Variants in EBF2 observed in about 807,000 individuals in gnomAD.
EBF2 encodes transcription factor COE2.
Under a neutral mutation model 72.8 loss-of-function variants are expected in EBF2, and 21 were observed. That is an observed-to-expected ratio of 0.29 (90% CI 0.20 to 0.42). The LOEUF (loss-of-function observed/expected upper bound fraction) is 0.42, where lower values mean the gene tolerates loss of function less well. EBF2 is among the 10% of genes least tolerant of loss of function. EBF2 has a pLI of 1.00. For missense variants in EBF2, 637 were observed against 731.2 expected (o/e 0.87, Z 1.49); for synonymous variants, 299 against 274.2 (o/e 1.09, Z -0.89).
intron 6 of EBF2, among the ~76,000 whole-genome samples, chr8:25,965,460 G>A (rs907910963): frequency 1.1e-4 from 16 of 152,170 alleles, no homozygotes; most frequent in Non-Finnish European, 2.1e-4. Flanking sequence ...AAATGCTAAC[G>A]ACTTTGGAGA....
rs1336280766 is a variant in EBF2, at chr8:25,843,829, A to T, written c.*780T>A. 6.6e-6 allele frequency: 1 copy of T among 152,124 alleles called. No individual in the cohort carries two copies. Among genetic ancestry groups the T allele is most frequent in the Non-Finnish European group, 1.5e-5 (1 of 68,046 alleles). 9.4% of individuals were successfully genotyped at this position (152,124 alleles called of 1,614,324 possible). On this transcript the variant is annotated 3_prime_UTR_variant, in exon 16 of 16. Coordinates refer to ENST00000520164, the MANE Select transcript of EBF2 (RefSeq NM_022659.4). ...CCCTTGGGTCAATAAAGTGATGGAA[A>T]AGGAGGGGGTGCAGGACAGGGGATA... is the stretch of plus-strand genomic sequence containing the variant.
At chr8:25,954,078 G>A (rs148172255) in intron 6 of EBF2, among the ~76,000 whole-genome samples, 43 of 152,322 alleles carry the variant, frequency 2.8e-4, no homozygotes, top group African/African-American at 9.6e-4. Context: ...GAAAAAAAGT[G>A]AGTAGAATAA....
At chr8:25,901,986 G>A (rs1258372771) in intron 7 of EBF2, among the ~76,000 whole-genome samples, 2 of 152,168 alleles carry the variant, frequency 1.3e-5, no homozygotes, top group African/African-American at 2.4e-5. Context: ...CTAGGATAGT[G>A]CCTGGCACAC....
At chr8:25,923,054 C>A (rs1007399234) in intron 6 of EBF2, among the ~76,000 whole-genome samples, 3 of 152,254 alleles carry the variant, frequency 2.0e-5, no homozygotes, top group African/African-American at 7.2e-5. Context: ...GTTCTGCTTT[C>A]TCAGGGAGTT....
chr8:26,033,079 C>A lies in EBF2; in HGVS notation c.551+6G>T, dbSNP rs2117257785. On this transcript the variant is annotated splice_donor_region_variant and intron_variant, in intron 6 of 15. Transcript: ENST00000520164. ...AAATGATTGAAAAATCACTTTTTCCCCCTACCTGTCAATTATGACTGGGTC... is the reference window on the plus strand; with the variant it reads ...AAATGATTGAAAAATCACTTTTTCCACCTACCTGTCAATTATGACTGGGTC... 6.2e-7 allele frequency: 1 copy of A among 1,613,786 alleles called. No homozygotes were observed. Among genetic ancestry groups the A allele is most frequent in the Non-Finnish European group, 8.5e-7 (1 of 1,179,752 alleles).
Position 25,927,200 on chromosome 8 carries a change from T to C in EBF2, c.552-18645A>G, listed in dbSNP as rs562717309. Among the ~76,000 whole-genome samples the C allele has an allele frequency of 3.9e-5, 6 of 152,196 alleles. No homozygotes were observed. The South Asian group carries it at 1.0e-3, about 26-fold the overall frequency. On this transcript the variant is annotated intron_variant, in intron 6 of 15. Transcript: ENST00000520164. ...AAAATTCTGCCTCAAAACTGGAGCA[T>C]TGACTTCTGCCAGGGTTTCCAGCCT...
chr8:26,020,866 T>C (rs1805193541), intron 6 of EBF2, among the ~76,000 whole-genome samples: 1 of 152,148 alleles, frequency 6.6e-6, no homozygotes, highest in Non-Finnish European at 1.5e-5. Context: ...CACTCTACAT[T>C]TGCTTGGGTA....
chr8:25,892,760 T>G (rs1312987975), intron 7 of EBF2, among the ~76,000 whole-genome samples: 5 of 152,182 alleles, frequency 3.3e-5, no homozygotes, highest in African/African-American at 1.2e-4. Context: ...AACAGATAAT[T>G]CACTGTGTTT....
At chr8:25,927,999 T>TA (rs1264495206) in intron 6 of EBF2, among the ~76,000 whole-genome samples, 2 of 152,094 alleles carry the variant, frequency 1.3e-5, no homozygotes, top group African/African-American at 2.4e-5. Context: ...ATATATATTA[T>TA]AAAAAAGTCC....
intron 6 of EBF2, among the ~76,000 whole-genome samples, chr8:25,941,728 G>A (rs1585202958): frequency 6.6e-6 from 1 of 152,270 alleles, no homozygotes; most frequent in Middle Eastern, 3.4e-3. Flanking sequence ...ACTGGCTGCT[G>A]TCAGAGAGCC....
intron 14 of EBF2, among the ~76,000 whole-genome samples, chr8:25,857,016 TTCCC>T (rs1802108070): frequency 3.3e-5 from 5 of 152,204 alleles, no homozygotes; most frequent in Non-Finnish European, 7.4e-5. Context: ...ACTGCAATAA[TTCCC>T]CCAAACACTT....
At chr8:25,914,121 C>G (rs920370043) in intron 6 of EBF2, among the ~76,000 whole-genome samples, 1 of 152,148 alleles carries the variant, frequency 6.6e-6, no homozygotes, top group East Asian at 1.9e-4. Flanking sequence ...GACTGAGAAG[C>G]CTACTGGGTG....
chr8:25,963,328 A>C lies in EBF2; in HGVS notation c.552-54773T>G, dbSNP rs117835164. Among the ~76,000 whole-genome samples the C allele has an allele frequency of 3.6e-3, 543 of 152,298 alleles. 2 individuals carry two copies. The highest frequency in any genetic ancestry group is 6.0e-3 in the Non-Finnish European group (410 of 68,016). On this transcript the variant is annotated intron_variant, in intron 6 of 15. Coordinates refer to ENST00000520164, the MANE Select transcript of EBF2 (RefSeq NM_022659.4). ...CCAGACAGCCCCATTTAGCTGCAAG[A>C]TCTTCATGTACCTGCCCTCTTCTTT...
At chr8:25,916,007 C>G (rs1261816962) in intron 6 of EBF2, among the ~76,000 whole-genome samples, 2 of 152,212 alleles carry the variant, frequency 1.3e-5, no homozygotes, top group African/African-American at 4.8e-5. Flanking sequence ...GACCTTATGG[C>G]CAGACGCAGT....
At chr8:25,934,224 T>TACACACAC (rs71216403) in intron 6 of EBF2, among the ~76,000 whole-genome samples, 15 of 136,838 alleles carry the variant, frequency 1.1e-4, no homozygotes, top group South Asian at 2.6e-4. Flanking sequence ...TTCATGTGCA[T>TACACACAC]ACACACACAC....
chr8:25,968,133 C>A (rs11135905), intron 6 of EBF2, among the ~76,000 whole-genome samples: 63,798 of 151,832 alleles, frequency 0.42, 13,869 homozygotes, highest in East Asian at 0.81. Context: ...CAGGACACTT[C>A]ACAGCTACTT....
intron 7 of EBF2, among the ~76,000 whole-genome samples, chr8:25,894,885 A>G (rs550278556): frequency 4.6e-5 from 7 of 152,308 alleles, no homozygotes; most frequent in Admixed American, 6.5e-5. Context: ...CCTGAAACTG[A>G]AAATCGCCAG....
At position 26,042,119 on chromosome 8, in the gene EBF2, G is replaced by A; in HGVS notation, c.264C>T (p.Phe88=). ...GQPVEIERTA[F]VDFVENDKEQ... ...CTTTGTCATTCTCCACAAAGTCCAC[G>A]AAGGCCGTCCGCTCGATCTCCACCG... Residue 88 remains phenylalanine (F), a synonymous_variant, in exon 2 of 16, where the codon TTC becomes TTT. Coordinates refer to ENST00000520164, the MANE Select transcript of EBF2 (RefSeq NM_022659.4). 1 of 1,613,784 alleles carries A rather than the reference G, an allele frequency of 6.2e-7. No homozygotes were observed. The highest frequency in any genetic ancestry group is 8.5e-7 in the Non-Finnish European group (1 of 1,179,936).
intron 6 of EBF2, among the ~76,000 whole-genome samples, chr8:25,946,982 T>C (rs1803780061): frequency 6.6e-6 from 1 of 152,188 alleles, no homozygotes. Flanking sequence ...CCTAATACAA[T>C]AATACAATTT....
Sources: gnomAD v4.1 joint callset for allele counts (sites outside exome capture counted in the v4.1 genomes callset) on GRCh38, gnomAD v4.1.1 for gene constraint, MANE v1.5 for transcripts, NCBI Gene and HGNC (gene_info 2026-07-23, HGNC 2026-07-21) for gene names.